The following TIMD4 variants were observed in gnomAD, a reference collection of about 807,000 sequenced individuals.
TIMD4 encodes T-cell immunoglobulin and mucin domain-containing protein 4.
TIMD4 carries 31 observed loss-of-function variants against 41.2 expected under a neutral mutation model. That is an observed-to-expected ratio of 0.75 (90% CI 0.57 to 1.01). TIMD4 has a LOEUF of 1.01. Ranked by LOEUF, TIMD4 falls within the 50% of genes least tolerant of loss-of-function variation. The pLI is 0.00. For synonymous variants in TIMD4, 204 were observed against 177.1 expected, an observed-to-expected ratio of 1.15 and a Z score of -1.21; for missense variants, 479 against 472.5, an observed-to-expected ratio of 1.01 and a Z score of -0.13.
chr5:156,928,523 G>T (rs1407053342), intron 5 of TIMD4, among the ~76,000 whole-genome samples: 1 of 152,160 alleles, frequency 6.6e-6, no homozygotes, highest in East Asian at 1.9e-4. Context: ...TCTTAAAATA[G>T]AAACAGAACT....
intron 5 of TIMD4, among the ~76,000 whole-genome samples, chr5:156,930,310 T>C (rs1043430437): frequency 2.0e-5 from 3 of 152,166 alleles, no homozygotes; most frequent in African/African-American, 7.2e-5. Flanking sequence ...ACAGACATTA[T>C]GCCATATTGC....
intron 4 of TIMD4, among the ~76,000 whole-genome samples, chr5:156,948,789 G>A (rs1284169933): frequency 6.6e-6 from 1 of 152,240 alleles, no homozygotes; most frequent in Non-Finnish European, 1.5e-5. Flanking sequence ...GGCAGGATTT[G>A]TGTTTAGGCA....
intron 7 of TIMD4, among the ~76,000 whole-genome samples, chr5:156,921,789 G>T (rs971199998): frequency 6.6e-6 from 1 of 152,148 alleles, no homozygotes; most frequent in East Asian, 1.9e-4. Context: ...GGCAGTAATA[G>T]GGATAAAATG....
intron 5 of TIMD4, among the ~76,000 whole-genome samples, chr5:156,945,218 GA>G (rs1288960891): frequency 6.6e-6 from 1 of 152,202 alleles, no homozygotes; most frequent in Non-Finnish European, 1.5e-5. Context: ...ATCTGGAGTT[GA>G]AAAGACGTGG....
intron 2 of TIMD4, among the ~76,000 whole-genome samples, chr5:156,953,287 T>C (rs920632027): frequency 4.6e-5 from 7 of 152,326 alleles, no homozygotes; most frequent in Non-Finnish European, 2.9e-5. Context: ...TACTAATATG[T>C]ATGTAAGTTC....
chr5:156,936,956 A>G (rs1281104011), intron 5 of TIMD4, among the ~76,000 whole-genome samples: 1 of 151,402 alleles, frequency 6.6e-6, no homozygotes, highest in Non-Finnish European at 1.5e-5. Flanking sequence ...AAAAAAGGAA[A>G]TGAAACCCCA....
intron 5 of TIMD4, among the ~76,000 whole-genome samples, chr5:156,929,190 T>A (rs534030620): frequency 6.6e-6 from 1 of 152,268 alleles, no homozygotes; most frequent in African/African-American, 2.4e-5. Context: ...GGCAAGGGGA[T>A]GGGGTTAGAC....
chr5:156,946,994 T>A lies in TIMD4; in HGVS notation c.844+1422A>T, dbSNP rs2113376443. ...AGGTGGATCACCTGAGCTTAGGAGT[T>A]CAAGACCAACCAGGGCAACGTGGTG... On this transcript the variant is annotated intron_variant, in intron 5 of 8. Transcript: ENST00000274532. Among the ~76,000 whole-genome samples the A allele has an allele frequency of 2.0e-5, 3 of 151,896 alleles. No homozygotes were observed. The South Asian group carries it at 6.3e-4, about 32-fold the overall frequency.
intron 5 of TIMD4, among the ~76,000 whole-genome samples, chr5:156,947,839 C>CA (rs1199149365): frequency 6.6e-6 from 1 of 152,158 alleles, no homozygotes; most frequent in African/African-American, 2.4e-5. Context: ...GGATTGAAGA[C>CA]AAGGAGTGAA....
chr5:156,924,169 C>T, intron 6 of TIMD4: 1 of 436,862 alleles, frequency 2.3e-6, no homozygotes. Context: ...TGAGCCTACT[C>T]ACCTTCAAAG....
chr5:156,920,111 A>G (rs984992039), intron 8 of TIMD4, among the ~76,000 whole-genome samples: 1 of 152,172 alleles, frequency 6.6e-6, no homozygotes. Flanking sequence ...TTCATTTTCC[A>G]TATTGCCAAC....
chr5:156,954,291 C>T, intron 2 of TIMD4, 124 bp downstream of exon 2: 1 of 954,260 alleles, frequency 1.0e-6, no homozygotes, highest in Non-Finnish European at 1.5e-6. Flanking sequence ...CACTTTATTT[C>T]AAATTCAATC....
intron 1 of TIMD4, among the ~76,000 whole-genome samples, chr5:156,961,900 A>C (rs1753071023): frequency 6.6e-6 from 1 of 151,852 alleles, no homozygotes; most frequent in Non-Finnish European, 1.5e-5. Context: ...ATAAAAAAAG[A>C]ATGAAACTCA....
chr5:156,952,172 C>T (rs1759874381), intron 2 of TIMD4, among the ~76,000 whole-genome samples: 1 of 151,920 alleles, frequency 6.6e-6, no homozygotes, highest in Non-Finnish European at 1.5e-5. Context: ...TGCCTGTAAT[C>T]CTAGCTACTC....
intron 5 of TIMD4, among the ~76,000 whole-genome samples, chr5:156,943,663 T>A (rs189483319): frequency 6.6e-6 from 1 of 152,314 alleles, no homozygotes; most frequent in East Asian, 1.9e-4. Flanking sequence ...TGTAGCTTTT[T>A]ATGCCCTGGC....
chr5:156,945,377 G>C (rs1759721197), intron 5 of TIMD4, among the ~76,000 whole-genome samples: 1 of 152,196 alleles, frequency 6.6e-6, no homozygotes, highest in South Asian at 2.1e-4. Context: ...TTAAAACAAG[G>C]CAGACCTACA....
At chr5:156,956,912 CCTT>C (rs781722113) in intron 1 of TIMD4, among the ~76,000 whole-genome samples, 32 of 152,306 alleles carry the variant, frequency 2.1e-4, no homozygotes, top group Non-Finnish European at 3.2e-4. Context: ...CTGTGCTCCT[CCTT>C]GACTCAGCTG....
At chr5:156,956,890 T>G (rs951504563) in intron 1 of TIMD4, among the ~76,000 whole-genome samples, 1 of 152,224 alleles carries the variant, frequency 6.6e-6, no homozygotes, top group African/African-American at 2.4e-5. Context: ...ATAGAAGGCA[T>G]GGCCAGCAGT....
At chr5:156,928,295 T>TAA (rs3068098) in intron 5 of TIMD4, among the ~76,000 whole-genome samples, 35,527 of 146,020 alleles carry the variant, frequency 0.24, 4,392 homozygotes, top group Admixed American at 0.34. Flanking sequence ...AGACTCCATC[T>TAA]AAAAAAAAAA....
Sources: gnomAD v4.1 joint callset for allele counts (sites outside exome capture counted in the v4.1 genomes callset) on GRCh38, gnomAD v4.1.1 for gene constraint, MANE v1.5 for transcripts, NCBI Gene and HGNC (gene_info 2026-07-23, HGNC 2026-07-21) for gene names.